The following COQ2 variants were observed in gnomAD, a reference collection of about 807,000 sequenced individuals.
The protein encoded by COQ2 is coenzyme Q2, polyprenyltransferase.
In COQ2, 25 loss-of-function variants were observed where a neutral mutation model predicts 35.7. The ratio of observed to expected loss-of-function variants is 0.70; its 90% CI spans 0.51 to 0.98. The LOEUF (loss-of-function observed/expected upper bound fraction) is 0.98. Among genes scored for constraint, COQ2 ranks in the 50% least tolerant of loss-of-function variants. The pLI is 0.00. For synonymous variants in COQ2, 206 were observed against 186.2 expected, an observed-to-expected ratio of 1.11 and a Z score of -0.86; for missense variants, 488 against 473.5, an observed-to-expected ratio of 1.03 and a Z score of -0.28.
chr4:83,282,896 G>A (rs1413039485), intron 1 of COQ2, among the ~76,000 whole-genome samples: 2 of 152,196 alleles, frequency 1.3e-5, no homozygotes, highest in African/African-American at 4.8e-5. Flanking sequence ...CAGCCACTAA[G>A]ATAGAAGCCA....
In COQ2 at chr4:83,284,721, G is replaced by C. The variant is rs555411841; in HGVS notation, c.44C>G (p.Ala15Gly). 1.3e-4 allele frequency: 198 copies of C among 1,509,810 alleles called. No individual in the cohort carries two copies. The African/African-American group carries it at 2.6e-3, about 20-fold the overall frequency. The allele number at this position is 1,509,810 out of a possible 1,614,324, so 93.5% of individuals were successfully genotyped here. A position where few individuals can be genotyped will look rare whatever the true frequency, so the allele number is the denominator to read the frequency against. ...RAAGFARGLR[A>G]VALAWLPGWR... is the part of the protein sequence containing the mutation. Reference sequence around the variant, plus strand: ...GCCCGGCAGCCACGCCAGTGCCACAGCCCGCAGGCCCCGCGCGAACCCCGC... The same window carrying C: ...GCCCGGCAGCCACGCCAGTGCCACACCCCGCAGGCCCCGCGCGAACCCCGC... Residue 15 changes from alanine (A) to glycine (G), a missense_variant, in exon 1 of 7, where the codon GCT (alanine) becomes GGT (glycine). By Grantham distance (60) the Ala-to-Gly change is moderately conservative. Coordinates refer to ENST00000647002, the MANE Select transcript of COQ2 (RefSeq NM_001358921.2).
chr4:83,267,101 T>C (rs974270053), intron 6 of COQ2: 5 of 449,178 alleles, frequency 1.1e-5, no homozygotes, highest in Non-Finnish European at 2.2e-5. Flanking sequence ...TTGGCTGGGG[T>C]TGGTAGCTCA....
Position 83,271,982 on chromosome 4 carries a change from T to C in COQ2, c.628+105A>G, listed in dbSNP as rs1255737130. The C allele has an allele frequency of 1.2e-5, 9 of 754,408 alleles. No homozygotes were observed. In the East Asian group the frequency reaches 2.5e-4, roughly 21 times the overall value. 46.7% of individuals were successfully genotyped at this position (754,408 alleles called of 1,614,324 possible). A position where few individuals can be genotyped will look rare whatever the true frequency, so the allele number is the denominator to read the frequency against. On this transcript the variant is annotated intron_variant, in intron 4 of 6. Transcript: ENST00000647002. Reference sequence around the variant, plus strand: ...GAAAATCTACTATTGGTTAGGAAAATTACATGACTGATTTGTCATTTCATC... The same window carrying C: ...GAAAATCTACTATTGGTTAGGAAAACTACATGACTGATTTGTCATTTCATC...
chr4:83,265,602 C>A (rs1164558443), intron 6 of COQ2, among the ~76,000 whole-genome samples: 13 of 151,668 alleles, frequency 8.6e-5, no homozygotes, highest in African/African-American at 1.2e-4. Context: ...ACAACAACAA[C>A]AAAACTGGAC....
intron 1 of COQ2, chr4:83,284,030 G>A (rs941541331): frequency 6.1e-6 from 6 of 985,426 alleles, no homozygotes; most frequent in Non-Finnish European, 6.0e-6. Context: ...GCTCTGACGA[G>A]GAGCCTTAGT....
At chr4:83,280,570 GA>G (rs1290480720) in intron 1 of COQ2, among the ~76,000 whole-genome samples, 1 of 152,206 alleles carries the variant, frequency 6.6e-6, no homozygotes, top group Admixed American at 6.5e-5. Flanking sequence ...TAAATCAAAA[GA>G]AAGAAATACA....
In COQ2 at chr4:83,284,624, G is replaced by C. The variant is rs1735415231; in HGVS notation, c.141C>G (p.Ala47=). 6.6e-7 allele frequency: 1 copy of C among 1,516,506 alleles called. No individual in the cohort carries two copies. The highest frequency in any genetic ancestry group is 8.8e-7 in the Non-Finnish European group (1 of 1,133,832). 93.9% of individuals were successfully genotyped at this position (1,516,506 alleles called of 1,614,324 possible). ...GCTGGCGCCCGCGCGGCTCGGGACAGGCGGGGGGCTGCAAGTCACCACCGT... is the reference window on the plus strand; with the variant it reads ...GCTGGCGCCCGCGCGGCTCGGGACACGCGGGGGGCTGCAAGTCACCACCGT... ...APHGGDLQPP[A]CPEPRGRQLS... is the part of the protein sequence containing the mutation. Residue 47 remains alanine, a synonymous_variant, in exon 1 of 7, where the codon GCC becomes GCG. Coordinates refer to ENST00000647002, the MANE Select transcript of COQ2 (RefSeq NM_001358921.2).
intron 2 of COQ2, among the ~76,000 whole-genome samples, chr4:83,276,050 A>ATTATATATAATATATATT (rs1218076005): frequency 3.0e-3 from 43 of 14,420 alleles, no homozygotes; most frequent in Admixed American, 0.011. Flanking sequence ...TAAAATATAT[A>ATTATATATAATATATATT]TTATATATAA....
In COQ2 at chr4:83,267,599, T is replaced by C. The variant is rs1166077867; in HGVS notation, c.938A>G (p.His313Arg). Residue 313 changes from histidine to arginine, a missense_variant, in exon 6 of 7, where the codon CAT (histidine) becomes CGT (arginine). Coordinates refer to ENST00000647002, the MANE Select transcript of COQ2 (RefSeq NM_001358921.2). ...AAAAGGTCAAACCTGGTGAGTCAGA[T>C]GGGCTCCTACAGCACCCAGGGCAGC... ...YYAALGAVGA[H>R]LTHQIYTLDI... The C allele has an allele frequency of 1.3e-6, 2 of 1,572,200 alleles. No homozygotes were observed. Among genetic ancestry groups the C allele is most frequent in the Non-Finnish European group, 1.7e-6 (2 of 1,162,822 alleles).
At position 83,283,888 on chromosome 4, in the gene COQ2, G is replaced by A. The variant is rs370456784; in HGVS notation, c.253+624C>T. The A allele has an allele frequency of 1.7e-4, 168 of 985,450 alleles. 3 individuals are homozygous for A. In the South Asian group the frequency reaches 7.1e-3, roughly 42 times the overall value. The allele number at this position is 985,450 out of a possible 1,614,324, so 61.0% of individuals were successfully genotyped here. A position where few individuals can be genotyped will look rare whatever the true frequency, so the allele number is the denominator to read the frequency against. On this transcript the variant is annotated intron_variant, in intron 1 of 6. Coordinates refer to ENST00000647002, the MANE Select transcript of COQ2 (RefSeq NM_001358921.2). The stretch of plus-strand genomic sequence containing the variant: ...GGTCAGGAAAATCTTTCTGTCGGGG[G>A]CGATTGTAAGCTGACAGGCAGTCCG...
At chr4:83,280,396 G>A (rs940867931) in intron 1 of COQ2, among the ~76,000 whole-genome samples, 3 of 152,284 alleles carry the variant, frequency 2.0e-5, no homozygotes, top group South Asian at 2.1e-4. Context: ...AAGAAAAATG[G>A]TCAAATGACT....
At chr4:83,268,870 T>C (rs1203647436) in intron 5 of COQ2, among the ~76,000 whole-genome samples, 1 of 152,218 alleles carries the variant, frequency 6.6e-6, no homozygotes, top group Non-Finnish European at 1.5e-5. Context: ...TATATAATCA[T>C]ATTTCAGAAA....
At chr4:83,283,910 T>C in intron 1 of COQ2, 1 of 985,462 alleles carries the variant, frequency 1.0e-6, no homozygotes, top group Non-Finnish European at 1.2e-6. Flanking sequence ...TGACAGGCAG[T>C]CCGTAAGCGC....
At chr4:83,266,172 A>T (rs977458780) in intron 6 of COQ2, among the ~76,000 whole-genome samples, 2 of 152,192 alleles carry the variant, frequency 1.3e-5, no homozygotes, top group African/African-American at 2.4e-5. Flanking sequence ...GAAAGTCACC[A>T]ATTCACATTT....
In COQ2 at chr4:83,264,277, C is replaced by G; in HGVS notation, c.1038G>C (p.Gly346=). 6.2e-7 allele frequency: 1 copy of G among 1,611,960 alleles called. No individual in the cohort carries two copies. The highest frequency in any genetic ancestry group is 2.2e-5 in the East Asian group (1 of 44,698). ...CTTTCCACAAATTCCCAAGGACAAT[C>G]CCTAAAAAAACTATTAGTCCCAGTG... ...NRTLGLIVFL[G]IVLGNLWKEK... is the part of the protein sequence containing the mutation. Residue 346 remains glycine (G), a synonymous_variant, in exon 7 of 7, where the codon GGG becomes GGC. Transcript: ENST00000647002.
chr4:83,272,007 CT>C (rs748040348), intron 4 of COQ2, 79 bp downstream of exon 4: 92 of 904,422 alleles, frequency 1.0e-4, no homozygotes, highest in Non-Finnish European at 1.5e-4. Flanking sequence ...GTCATTTCAT[CT>C]TTACCTATTT....
chr4:83,280,225 T>C (rs941494724), intron 1 of COQ2, among the ~76,000 whole-genome samples: 7 of 152,206 alleles, frequency 4.6e-5, no homozygotes, highest in Admixed American at 4.6e-4. Context: ...AAATAGATTA[T>C]ATAAAAGACT....
chr4:83,281,680 C>G (rs1248177050), intron 1 of COQ2: 1 of 152,218 alleles, frequency 6.6e-6, no homozygotes, highest in Non-Finnish European at 1.5e-5. Flanking sequence ...ATGGCACTTA[C>G]TGTACCAGGT....
At chr4:83,284,875 C>A (rs914322236), upstream of COQ2, 6 of 1,527,148 alleles carry the variant, frequency 3.9e-6, no homozygotes, top group African/African-American at 8.3e-5. Flanking sequence ...GCGGTGTGGG[C>A]AGAACCTTTC....
Sources: gnomAD v4.1 joint callset for allele counts (sites outside exome capture counted in the v4.1 genomes callset) on GRCh38, gnomAD v4.1.1 for gene constraint, MANE v1.5 for transcripts, NCBI Gene and HGNC (gene_info 2026-07-23, HGNC 2026-07-21) for gene names.